Variants in BRAF observed in about 807,000 individuals in gnomAD.
BRAF encodes the protein B-Raf proto-oncogene, serine/threonine kinase.
In BRAF, 16 loss-of-function variants were observed where a neutral mutation model predicts 104.6. The ratio of observed to expected loss-of-function variants is 0.15; its 90% CI spans 0.10 to 0.23. The LOEUF (loss-of-function observed/expected upper bound fraction) is 0.23, where lower values mean the gene tolerates loss of function less well. Among genes scored for constraint, BRAF ranks in the 10% least tolerant of loss-of-function variants. BRAF has a pLI of 1.00. For synonymous variants in BRAF, 310 were observed against 341.6 expected, an observed-to-expected ratio of 0.91 and a Z score of 1.02; for missense variants, 541 against 937.3, an observed-to-expected ratio of 0.58 and a Z score of 5.52.
chr7:140,919,152 A>C (rs1480682257), intron 1 of BRAF, among the ~76,000 whole-genome samples: 1 of 151,756 alleles, frequency 6.6e-6, no homozygotes, highest in Non-Finnish European at 1.5e-5. Flanking sequence ...GTCTCAAAAA[A>C]AAAAAAAAAA....
chr7:140,755,044 T>G (rs1798089577), intron 14 of BRAF, among the ~76,000 whole-genome samples: 2 of 152,140 alleles, frequency 1.3e-5, no homozygotes, highest in African/African-American at 4.8e-5. Flanking sequence ...GACAAAGTCT[T>G]ACTCTATCAC....
intron 1 of BRAF, among the ~76,000 whole-genome samples, chr7:140,865,324 C>T (rs1441779030): frequency 6.6e-6 from 1 of 152,158 alleles, no homozygotes; most frequent in Non-Finnish European, 1.5e-5. Flanking sequence ...AAGTGATCCA[C>T]CTGCCTCGGC....
chr7:140,781,174 G>C, intron 12 of BRAF: 1 of 232,434 alleles, frequency 4.3e-6, no homozygotes, highest in South Asian at 5.9e-5. Context: ...CTCGTGATCA[G>C]CCAGCCTCAG....
chr7:140,864,366 G>C (rs1373312208), intron 1 of BRAF, among the ~76,000 whole-genome samples: 1 of 152,156 alleles, frequency 6.6e-6, no homozygotes, highest in African/African-American at 2.4e-5. Context: ...GTGTGCAACG[G>C]GTGGACAGTG....
downstream of BRAF, chr7:140,719,308 G>T: frequency 2.2e-6 from 2 of 913,492 alleles, no homozygotes; most frequent in Non-Finnish European, 2.6e-6. Flanking sequence ...ATGTAATCGT[G>T]TTAGAAAAAT....
intron 1 of BRAF, chr7:140,884,209 T>C (rs539492028): frequency 5.3e-5 from 8 of 151,490 alleles, no homozygotes; most frequent in Admixed American, 2.0e-4. Flanking sequence ...ATTAAAAAAA[T>C]TTTTTTTAAA....
chr7:140,911,861 T>A (rs1026647815), intron 1 of BRAF, among the ~76,000 whole-genome samples: 2 of 152,250 alleles, frequency 1.3e-5, no homozygotes, highest in Non-Finnish European at 2.9e-5. Context: ...CATGTTCTAT[T>A]TCCCAATGAT....
intron 1 of BRAF, among the ~76,000 whole-genome samples, chr7:140,907,405 G>T (rs149191367): frequency 9.2e-5 from 14 of 152,124 alleles, no homozygotes; most frequent in Non-Finnish European, 1.6e-4. Flanking sequence ...GGGACTACAG[G>T]TGCCTGCCAC....
chr7:140,783,007 T>G lies in BRAF; in HGVS notation c.1434+14A>C. 1.2e-6 allele frequency: 2 copies of G among 1,612,698 alleles called. No individual in the cohort carries two copies. The highest frequency in any genetic ancestry group is 1.7e-6 in the Non-Finnish European group (2 of 1,179,662). On this transcript the variant is annotated intron_variant, in intron 11 of 19. Coordinates refer to ENST00000644969, the MANE Select transcript of BRAF (RefSeq NM_001374258.1). ...GAAAGAATTCAGAGAAAAAAAGATATCATATACTCTTACCATTCGATTCCT... is the reference window on the plus strand; with the variant it reads ...GAAAGAATTCAGAGAAAAAAAGATAGCATATACTCTTACCATTCGATTCCT...
chr7:140,742,500 G>C (rs541148313), intron 17 of BRAF, among the ~76,000 whole-genome samples: 2 of 152,238 alleles, frequency 1.3e-5, no homozygotes, highest in South Asian at 4.1e-4. Flanking sequence ...AGCCAACATG[G>C]TGGTTTTAAG....
downstream of BRAF, chr7:140,719,260 G>T: frequency 1.5e-6 from 1 of 680,512 alleles, no homozygotes; most frequent in Non-Finnish European, 1.8e-6. Flanking sequence ...CCATTGTCTA[G>T]AAAAACTGTT....
In BRAF at chr7:140,723,504, G is replaced by C; in HGVS notation, c.*2990C>G. The stretch of plus-strand genomic sequence containing the variant: ...ACAGCTAGACAGAATCTTCTTTTAA[G>C]GTGCACATTAACAACAAATGATCAC... On this transcript the variant is annotated 3_prime_UTR_variant, in exon 20 of 20. Transcript: ENST00000644969. The C allele has an allele frequency of 9.5e-7, 1 of 1,052,220 alleles. No individual in the cohort carries two copies. The allele number at this position is 1,052,220 out of a possible 1,614,324, so 65.2% of individuals were successfully genotyped here.
rs748279980 is a variant in BRAF, at chr7:140,754,218, C to T, written c.1830G>A (p.Lys610=). Residue 610 remains lysine (K), a synonymous_variant, in exon 15 of 20, where the codon AAG becomes AAA. Transcript: ENST00000644969. ...TAQGMDYLHA[K]SIIHRDLKSN... The stretch of plus-strand genomic sequence containing the variant: ...TCTTGAGGTCTCTGTGGATGATTGA[C>T]TTGGCGTGTAAGTAACTGAAAAACA... 1.2e-6 allele frequency: 2 copies of T among 1,613,736 alleles called. No individual in the cohort carries two copies. Among genetic ancestry groups the T allele is most frequent in the Non-Finnish European group, 1.7e-6 (2 of 1,179,754 alleles).
At chr7:140,904,478 T>C (rs1816067588) in intron 1 of BRAF, among the ~76,000 whole-genome samples, 1 of 152,176 alleles carries the variant, frequency 6.6e-6, no homozygotes, top group African/African-American at 2.4e-5. Flanking sequence ...ACTTCGTATC[T>C]AAAGACATAA....
At chr7:140,911,809 T>G (rs1020503941) in intron 1 of BRAF, among the ~76,000 whole-genome samples, 1 of 152,226 alleles carries the variant, frequency 6.6e-6, no homozygotes, top group Admixed American at 6.5e-5. Flanking sequence ...CCTACATTCA[T>G]GGCAGGATAG....
chr7:140,900,286 T>C (rs1205721358), intron 1 of BRAF, among the ~76,000 whole-genome samples: 5 of 152,268 alleles, frequency 3.3e-5, no homozygotes, highest in Non-Finnish European at 7.3e-5. Flanking sequence ...CCATTTTTTA[T>C]GGCTAGTTTT....
intron 1 of BRAF, among the ~76,000 whole-genome samples, chr7:140,876,064 C>T (rs1268980733): frequency 6.6e-6 from 1 of 152,102 alleles, no homozygotes; most frequent in Admixed American, 6.5e-5. Context: ...CTCTTAGTTT[C>T]CTTAAATATG....
intron 1 of BRAF, among the ~76,000 whole-genome samples, chr7:140,894,762 T>C (rs1814685936): frequency 6.6e-6 from 1 of 151,868 alleles, no homozygotes; most frequent in Admixed American, 6.6e-5. Flanking sequence ...AAAATATAAA[T>C]GAGATAAGCT....
intron 1 of BRAF, among the ~76,000 whole-genome samples, chr7:140,867,112 C>T (rs1008124974): frequency 6.6e-6 from 1 of 152,016 alleles, no homozygotes; most frequent in African/African-American, 2.4e-5. Flanking sequence ...CACATTGCAC[C>T]AACCTTATAC....
Sources: gnomAD v4.1 joint callset for allele counts (sites outside exome capture counted in the v4.1 genomes callset) on GRCh38, gnomAD v4.1.1 for gene constraint, MANE v1.5 for transcripts, NCBI Gene and HGNC (gene_info 2026-07-23, HGNC 2026-07-21) for gene names.